GPC5: variants seen among roughly 807,000 people sequenced by gnomAD.
The protein encoded by GPC5 is glypican 5.
A neutral mutation model predicts 53.9 loss-of-function variants in GPC5; 47 were observed. The observed-to-expected ratio is 0.87, with a 90% confidence interval of 0.69 to 1.11. The LOEUF is 1.11. GPC5 is among the 50% of genes most tolerant of loss of function. The pLI is 0.00. For synonymous variants in GPC5, 286 were observed against 263.3 expected (o/e 1.09, Z -0.84); for missense variants, 748 against 713.1 (o/e 1.05, Z -0.56).
intron 7 of GPC5, among the ~76,000 whole-genome samples, chr13:92,314,299 G>T (rs534906388): frequency 9.9e-5 from 15 of 151,980 alleles, no homozygotes; most frequent in Non-Finnish European, 2.1e-4. Context: ...ATATCTTCAA[G>T]TTATGTCCCC....
intron 1 of GPC5, among the ~76,000 whole-genome samples, chr13:91,419,095 C>G (rs1454887049): frequency 6.6e-6 from 1 of 151,954 alleles, no homozygotes; most frequent in Non-Finnish European, 1.5e-5. Context: ...CTGTAGGACC[C>G]TTTTATTACT....
At chr13:92,679,999 A>G (rs1887068084) in intron 7 of GPC5, among the ~76,000 whole-genome samples, 1 of 150,610 alleles carries the variant, frequency 6.6e-6, no homozygotes, top group Non-Finnish European at 1.5e-5. Flanking sequence ...AAGAAACCTC[A>G]GCATAGACTA....
intron 6 of GPC5, among the ~76,000 whole-genome samples, chr13:91,945,990 C>T (rs1428381159): frequency 6.6e-6 from 1 of 152,148 alleles, no homozygotes; most frequent in Non-Finnish European, 1.5e-5. Context: ...CTTGTTGGCA[C>T]TTAACTCTGG....
At chr13:91,482,912 C>T (rs1015329709) in intron 2 of GPC5, among the ~76,000 whole-genome samples, 2 of 150,336 alleles carry the variant, frequency 1.3e-5, no homozygotes, top group Admixed American at 1.3e-4. Flanking sequence ...TATAAATTTA[C>T]TTCTGTTAGA....
intron 3 of GPC5, among the ~76,000 whole-genome samples, chr13:91,705,678 A>G (rs1160802107): frequency 3.3e-5 from 5 of 149,622 alleles, no homozygotes; most frequent in African/African-American, 7.6e-5. Context: ...TTGGGTGGAG[A>G]AGGACTCTAA....
intron 5 of GPC5, among the ~76,000 whole-genome samples, chr13:91,767,603 A>G (rs1294584623): frequency 6.6e-6 from 1 of 152,174 alleles, no homozygotes; most frequent in Non-Finnish European, 1.5e-5. Context: ...GAGTTCCCAA[A>G]GGAAATAGGT....
intron 7 of GPC5, among the ~76,000 whole-genome samples, chr13:92,462,718 C>CTTTT (rs35798030): frequency 7.3e-6 from 1 of 136,984 alleles, no homozygotes; most frequent in Admixed American, 7.3e-5. Context: ...TTGTTCATGT[C>CTTTT]TTTTTTTTTT....
intron 7 of GPC5, among the ~76,000 whole-genome samples, chr13:92,251,544 G>A (rs977317105): frequency 8.6e-5 from 13 of 151,690 alleles, no homozygotes; most frequent in South Asian, 2.1e-4. Context: ...TCACCCCACC[G>A]ATTTGCTCCC....
At chr13:92,742,055 G>A (rs1889112420) in intron 7 of GPC5, among the ~76,000 whole-genome samples, 1 of 151,902 alleles carries the variant, frequency 6.6e-6, no homozygotes, top group Admixed American at 6.6e-5. Flanking sequence ...ACGTGTGCAT[G>A]TGTCTTTATA....
intron 2 of GPC5, among the ~76,000 whole-genome samples, chr13:91,651,949 A>G (rs536281805): frequency 6.6e-6 from 1 of 152,318 alleles, no homozygotes; most frequent in East Asian, 1.9e-4. Flanking sequence ...GGAACTAGAA[A>G]GATACAGATT....
chr13:91,980,820 G>C (rs1209117326), intron 6 of GPC5, among the ~76,000 whole-genome samples: 1 of 152,166 alleles, frequency 6.6e-6, no homozygotes, highest in East Asian at 1.9e-4. Flanking sequence ...CTATAGGTTA[G>C]TTCACCTTTA....
rs915338834 is a variant in GPC5, at chr13:91,432,091, CA to C, written c.164-16663del. On this transcript the variant is annotated intron_variant, in intron 1 of 7. Transcript: ENST00000377067. The stretch of plus-strand genomic sequence containing the variant: ...TGAGATAGTCTTTCTGGTGAGTTGG[CA>C]AAAAAATATAATTTGAGGTCTCTTT... 2.6e-5 allele frequency among the ~76,000 whole-genome samples: 4 copies of C among 151,766 alleles called. No individual in the cohort carries two copies. In the East Asian group the frequency reaches 5.8e-4, roughly 22 times the overall value.
chr13:91,613,990 GA>G (rs1482352446), intron 2 of GPC5, among the ~76,000 whole-genome samples: 1 of 152,180 alleles, frequency 6.6e-6, no homozygotes, highest in Non-Finnish European at 1.5e-5. Flanking sequence ...AAAAACCAGT[GA>G]AAGATGGTAC....
chr13:91,522,681 C>A (rs767413536), intron 2 of GPC5, among the ~76,000 whole-genome samples: 2 of 152,136 alleles, frequency 1.3e-5, no homozygotes, highest in Non-Finnish European at 2.9e-5. Context: ...AACCCCACAA[C>A]AGGCTCCCGT....
intron 1 of GPC5, among the ~76,000 whole-genome samples, chr13:91,400,866 A>G (rs889342073): frequency 1.3e-5 from 2 of 152,200 alleles, no homozygotes; most frequent in Non-Finnish European, 2.9e-5. Flanking sequence ...TGTCAGGGAA[A>G]ACTAAAGCTC....
intron 6 of GPC5, among the ~76,000 whole-genome samples, chr13:92,019,158 T>C (rs2040734636): frequency 2.0e-5 from 3 of 152,038 alleles, no homozygotes; most frequent in Admixed American, 2.0e-4. Flanking sequence ...TATTGCCTTA[T>C]ACTCTCCAAT....
intron 7 of GPC5, among the ~76,000 whole-genome samples, chr13:92,159,269 C>T (rs1172241046): frequency 1.3e-5 from 2 of 152,174 alleles, no homozygotes; most frequent in Non-Finnish European, 2.9e-5. Context: ...GAGGGGAAAG[C>T]ACTTCGTCTG....
intron 7 of GPC5, among the ~76,000 whole-genome samples, chr13:92,351,863 G>A (rs2043480939): frequency 6.6e-6 from 1 of 152,116 alleles, no homozygotes; most frequent in Non-Finnish European, 1.5e-5. Context: ...CACGTTCATG[G>A]GCAAGATGAC....
intron 7 of GPC5, among the ~76,000 whole-genome samples, chr13:92,147,469 G>C (rs1364344805): frequency 6.6e-6 from 1 of 151,982 alleles, no homozygotes; most frequent in Non-Finnish European, 1.5e-5. Flanking sequence ...ACAAGTTCAA[G>C]AACTTGTTAT....
Sources: gnomAD v4.1 joint callset for allele counts (sites outside exome capture counted in the v4.1 genomes callset) on GRCh38, gnomAD v4.1.1 for gene constraint, MANE v1.5 for transcripts, NCBI Gene and HGNC (gene_info 2026-07-23, HGNC 2026-07-21) for gene names.